Variants in DHX29 observed in about 807,000 individuals in gnomAD.
The protein encoded by DHX29 is ATP-dependent RNA helicase DHX29.
A neutral mutation model predicts 167.9 loss-of-function variants in DHX29; 79 were observed. That is an observed-to-expected ratio of 0.47 (90% confidence interval 0.39 to 0.57). The LOEUF (loss-of-function observed/expected upper bound fraction) is 0.57, where lower values mean the gene tolerates loss of function less well. Among genes scored for constraint, DHX29 ranks in the 20% least tolerant of loss-of-function variants. The probability of loss-of-function intolerance (pLI) is 0.00; values close to 1 mark genes in which losing one functional copy is unlikely to be tolerated. For missense variants in DHX29, 1,347 were observed against 1,593.4 expected (o/e 0.85, Z 2.63); for synonymous variants, 530 against 546.0 (o/e 0.97, Z 0.41).
intron 12 of DHX29, among the ~76,000 whole-genome samples, chr5:55,281,062 T>C (rs547784300): frequency 1.5e-4 from 21 of 142,498 alleles, no homozygotes; most frequent in South Asian, 6.6e-4. Context: ...TATATGTATA[T>C]ACACACACAC....
intron 11 of DHX29, 146 bp from the exon 12 acceptor site, chr5:55,281,661 G>C (rs566594719): frequency 2.5e-4 from 106 of 420,884 alleles, no homozygotes; most frequent in Middle Eastern, 1.9e-3. Context: ...GTAATTATTA[G>C]TTTATTAACA....
In DHX29 at chr5:55,283,260, A is replaced by G. The variant is rs150299074; in HGVS notation, c.1908T>C (p.Val636=). Residue 636 remains valine (V), a synonymous_variant, in exon 11 of 27, where the codon GTT becomes GTC. Transcript: ENST00000251636. Reference sequence around the variant, plus strand: ...CATCACATACTCTGTTGGCTAAACTAACTGCTGAGATTCTTCGGGGTTGGG... The same window carrying G: ...CATCACATACTCTGTTGGCTAAACTGACTGCTGAGATTCTTCGGGGTTGGG... ...VCTQPRRISA[V]SLANRVCDEL... is the part of the protein sequence containing the mutation. 6.0e-5 allele frequency: 96 copies of G among 1,612,490 alleles called. No individual in the cohort carries two copies. Among genetic ancestry groups the G allele is most frequent in the Non-Finnish European group, 7.6e-5 (90 of 1,178,870 alleles).
intron 16 of DHX29, among the ~76,000 whole-genome samples, chr5:55,274,343 G>A (rs1422338245): frequency 6.6e-6 from 1 of 152,044 alleles, no homozygotes; most frequent in African/African-American, 2.4e-5. Flanking sequence ...GGCTAAAGGT[G>A]CAATCGTGCC....
At chr5:55,307,333 G>C in intron 1 of DHX29, 54 bp downstream of exon 1, 5 of 1,511,726 alleles carry the variant, frequency 3.3e-6, no homozygotes, top group Non-Finnish European at 4.5e-6. Flanking sequence ...CTTTCCTCAG[G>C]ACAAGCAGCA....
In DHX29 at chr5:55,289,341, G is replaced by A. The variant is rs767259640; in HGVS notation, c.995C>T (p.Ala332Val). 2.8e-5 allele frequency: 44 copies of A among 1,599,518 alleles called. No individual in the cohort carries two copies. The South Asian group carries it at 4.9e-4, about 18-fold the overall frequency. Reference protein sequence around the residue: ...QQNERKKPPVATEGESALNFN... With the variant: ...QQNERKKPPVVTEGESALNFN... The stretch of plus-strand genomic sequence containing the variant: ...ATTCAATGCACTTTCTCCTTCTGTG[G>A]CTACAGGAGGCTTTTTCCTTTCATT... Residue 332 changes from alanine (A) to valine (V), a missense_variant, in exon 8 of 27, where the codon GCC becomes GTC. Physicochemically the swap from Ala to Val is moderately conservative, Grantham distance 64. Transcript: ENST00000251636.
chr5:55,294,662 G>C (rs1748220259), intron 5 of DHX29, among the ~76,000 whole-genome samples: 1 of 152,202 alleles, frequency 6.6e-6, no homozygotes, highest in African/African-American at 2.4e-5. Context: ...CTGGGCAACA[G>C]AGCAAGACTC....
chr5:55,293,828 G>GT (rs1422244741), intron 6 of DHX29, among the ~76,000 whole-genome samples, 189 bp downstream of exon 6: 1 of 152,112 alleles, frequency 6.6e-6, no homozygotes, highest in Non-Finnish European at 1.5e-5. Context: ...TATGAGAAAT[G>GT]TTAATTAACA....
intron 18 of DHX29, 73 bp from the exon 19 acceptor site, chr5:55,270,779 T>A: frequency 8.5e-7 from 1 of 1,182,472 alleles, no homozygotes; most frequent in Non-Finnish European, 1.3e-6. Context: ...TGGATTTGAC[T>A]CTTACAACTA....
chr5:55,271,097 G>C (rs1050391450), intron 18 of DHX29, among the ~76,000 whole-genome samples: 1 of 152,114 alleles, frequency 6.6e-6, no homozygotes, highest in Non-Finnish European at 1.5e-5. Flanking sequence ...ATTTTCTCTA[G>C]AGGTACAATT....
intron 6 of DHX29, among the ~76,000 whole-genome samples, chr5:55,292,220 C>T (rs1274321426): frequency 2.0e-5 from 3 of 152,266 alleles, no homozygotes; most frequent in South Asian, 4.2e-4. Context: ...GACATCCTAA[C>T]GGGTGTGAAA....
At chr5:55,273,438 A>C (rs1289815608) in intron 16 of DHX29, 61 bp from the exon 17 acceptor site, 1 of 1,416,104 alleles carries the variant, frequency 7.1e-7, no homozygotes, top group Non-Finnish European at 9.3e-7. Flanking sequence ...TGCAAAGAAT[A>C]ACAAAATTTA....
At chr5:55,278,509 G>A (rs1747236885) in intron 12 of DHX29, among the ~76,000 whole-genome samples, 1 of 152,114 alleles carries the variant, frequency 6.6e-6, no homozygotes, top group Non-Finnish European at 1.5e-5. Flanking sequence ...TTAGAACAAA[G>A]CCCAACAATA....
chr5:55,305,387 T>G (rs555652867), intron 1 of DHX29, among the ~76,000 whole-genome samples: 7 of 152,270 alleles, frequency 4.6e-5, no homozygotes, highest in African/African-American at 1.4e-4. Context: ...AGAGCTCCAT[T>G]TGGAGAAATG....
chr5:55,305,209 G>C (rs1040800834), intron 1 of DHX29, among the ~76,000 whole-genome samples: 1 of 152,168 alleles, frequency 6.6e-6, no homozygotes, highest in African/African-American at 2.4e-5. Flanking sequence ...CTATCAAAAA[G>C]AATGATTTAA....
chr5:55,290,391 A>G (rs1316102329), intron 6 of DHX29, 47 bp from the exon 7 acceptor site: 1 of 1,548,990 alleles, frequency 6.5e-7, no homozygotes, highest in Non-Finnish European at 8.7e-7. Context: ...AAGAAGAGCA[A>G]GATTAGTTTA....
At chr5:55,298,535 T>A in intron 2 of DHX29, 56 bp downstream of exon 2, 1 of 1,074,086 alleles carries the variant, frequency 9.3e-7, no homozygotes, top group Admixed American at 1.9e-5. Context: ...ACATCTTTTT[T>A]GGGGGAAAAA....
chr5:55,287,262 G>A (rs752232914), intron 8 of DHX29, among the ~76,000 whole-genome samples: 14 of 152,022 alleles, frequency 9.2e-5, no homozygotes, highest in Non-Finnish European at 1.9e-4. Flanking sequence ...CCAACGTGGT[G>A]AAACCCCGTC....
At chr5:55,258,516 G>C (rs1419579350) in intron 26 of DHX29, among the ~76,000 whole-genome samples, 1 of 152,128 alleles carries the variant, frequency 6.6e-6, no homozygotes, top group Non-Finnish European at 1.5e-5. Context: ...TGTATTCTTT[G>C]CAACTGCCAG....
chr5:55,281,420 A>T lies in DHX29; in HGVS notation c.2061T>A (p.Leu687=). 6.2e-7 allele frequency: 1 copy of T among 1,602,768 alleles called. No homozygotes were observed. Among genetic ancestry groups the T allele is most frequent in the South Asian group, 1.1e-5 (1 of 89,380 alleles). ...YCTTGVLLRK[L]QEDGLLSNVS... is the part of the protein sequence containing the mutation. ...CATTACTTAGAAGACCATCTTCTTGAAGTTTCCTTAGCAAAACCCCTGTTG... is the reference window on the plus strand; with the variant it reads ...CATTACTTAGAAGACCATCTTCTTGTAGTTTCCTTAGCAAAACCCCTGTTG... The change falls in exon 12 of 27, where the codon CTT becomes CTA. Residue 687 remains leucine (L), a synonymous_variant. Transcript: ENST00000251636.
Sources: gnomAD v4.1 joint callset for allele counts (sites outside exome capture counted in the v4.1 genomes callset) on GRCh38, gnomAD v4.1.1 for gene constraint, MANE v1.5 for transcripts, NCBI Gene and HGNC (gene_info 2026-07-23, HGNC 2026-07-21) for gene names.